Variants in HCFC2 observed in about 807,000 individuals in gnomAD.
HCFC2 encodes host cell factor 2.
In HCFC2, 18 loss-of-function variants were observed where a neutral mutation model predicts 89.2. The ratio of observed to expected loss-of-function variants is 0.20; its 90% CI spans 0.14 to 0.30. HCFC2 has a LOEUF of 0.30. Among genes scored for constraint, HCFC2 ranks in the 10% least tolerant of loss-of-function variants. HCFC2 has a pLI of 1.00. For synonymous variants in HCFC2, 308 were observed against 335.7 expected, an observed-to-expected ratio of 0.92 and a Z score of 0.90; for missense variants, 578 against 956.1, an observed-to-expected ratio of 0.60 and a Z score of 5.21.
chr12:104,094,133 G>A (rs1884109884), intron 10 of HCFC2, among the ~76,000 whole-genome samples: 1 of 152,134 alleles, frequency 6.6e-6, no homozygotes, highest in Admixed American at 6.5e-5. Context: ...GAAAAGATAG[G>A]TTCAACTTTG....
chr12:104,098,503 C>A, intron 13 of HCFC2, 23 bp downstream of exon 13: 1 of 1,568,112 alleles, frequency 6.4e-7, no homozygotes, highest in Non-Finnish European at 8.6e-7. Context: ...ATATTTTCTA[C>A]ATTGTAAATT....
chr12:104,072,889 C>G (rs180808893), intron 3 of HCFC2, among the ~76,000 whole-genome samples: 200 of 152,082 alleles, frequency 1.3e-3, no homozygotes, highest in African/African-American at 4.6e-3. Context: ...CGTGATCCGC[C>G]CACCTCAGCC....
At chr12:104,093,359 T>C in intron 9 of HCFC2, 27 bp from the exon 10 acceptor site, 1 of 1,531,236 alleles carries the variant, frequency 6.5e-7, no homozygotes, top group Non-Finnish European at 8.9e-7. Flanking sequence ...TATTGCTTAC[T>C]ACAGTAATCT....
At position 104,075,201 on chromosome 12, in the gene HCFC2, A is replaced by AT. The variant is rs1334539221; in HGVS notation, c.474-4244_474-4243insT. Among the ~76,000 whole-genome samples the AT allele has an allele frequency of 1.3e-4, 20 of 151,600 alleles. 1 individual carries two copies. The East Asian group carries it at 3.9e-3, about 29-fold the overall frequency. ...GAGCCCCTGTCTGTGAAAATAAAAA[A>AT]AAAAAATTATTTATTTAAAAATGTT... On this transcript the variant is annotated intron_variant, in intron 3 of 14. Coordinates refer to ENST00000229330, the MANE Select transcript of HCFC2 (RefSeq NM_013320.3).
chr12:104,095,147 G>A lies in HCFC2; in HGVS notation c.1463-213G>A, dbSNP rs73390494. Among the ~76,000 whole-genome samples, 3,276 of 152,168 alleles carry A rather than the reference G, an allele frequency of 0.022. 117 individuals are homozygous for A. Among genetic ancestry groups the A allele is most frequent in the African/African-American group, 0.074 (3,090 of 41,512 alleles). ...ATGGTTCGGTGTTTAGAATGAACGA[G>A]GAAGGTAAAAAGTTGGATATCCATT... On this transcript the variant is annotated intron_variant, in intron 10 of 14. Coordinates refer to ENST00000229330, the MANE Select transcript of HCFC2 (RefSeq NM_013320.3). The surrounding 1 kb of genome is among the most constrained non-coding windows in gnomAD (Gnocchi z 4.2).
At chr12:104,087,883 A>T (rs1446754933) in intron 8 of HCFC2, 103 bp from the exon 9 acceptor site, 2 of 552,436 alleles carry the variant, frequency 3.6e-6, no homozygotes, top group Non-Finnish European at 5.8e-6. Flanking sequence ...TTTGGTAAAG[A>T]TACTACTTTT....
At chr12:104,078,840 C>G (rs899358055) in intron 3 of HCFC2, among the ~76,000 whole-genome samples, 1 of 152,158 alleles carries the variant, frequency 6.6e-6, no homozygotes, top group African/African-American at 2.4e-5. Context: ...GGGGTTACTT[C>G]TATGTCTGAT....
chr12:104,087,200 C>A (rs1883878903), intron 8 of HCFC2, among the ~76,000 whole-genome samples, 186 bp downstream of exon 8: 1 of 151,554 alleles, frequency 6.6e-6, no homozygotes, highest in Non-Finnish European at 1.5e-5. Flanking sequence ...ACTAAAAATG[C>A]AAAAATTAGC....
chr12:104,095,436 A>G lies in HCFC2; in HGVS notation c.1539A>G (p.Val513=), dbSNP rs774446634. 8.1e-6 allele frequency: 13 copies of G among 1,613,654 alleles called. No individual in the cohort carries two copies. The South Asian group carries it at 1.2e-4, about 15-fold the overall frequency. ...GAACAGTAATTCCTGAAACATCTGT[A>G]TCCAGTACTGTTTCCAGCACACAAA... ...DVRTVIPETS[V]SSTVSSTQTM... is the part of the protein sequence containing the mutation. The change falls in exon 11 of 15, where the codon GTA becomes GTG. Residue 513 remains valine, a synonymous_variant. Transcript: ENST00000229330. This position sits in a 1 kb window ranked among gnomAD's most constrained non-coding sequence, Gnocchi z 4.2.
chr12:104,100,445 C>T (rs978652239), intron 13 of HCFC2, among the ~76,000 whole-genome samples: 5 of 151,884 alleles, frequency 3.3e-5, no homozygotes, highest in Non-Finnish European at 7.4e-5. Context: ...GGGCAAGGTA[C>T]GTGCCTCTGC....
intron 10 of HCFC2, among the ~76,000 whole-genome samples, chr12:104,093,781 T>TC (rs1197778360): frequency 6.6e-6 from 1 of 151,408 alleles, no homozygotes; most frequent in Non-Finnish European, 1.5e-5. Context: ...AGGCAATTTT[T>TC]TTTTTTTTTA....
At chr12:104,085,953 C>G (rs866969587) in intron 7 of HCFC2, among the ~76,000 whole-genome samples, 2 of 149,036 alleles carry the variant, frequency 1.3e-5, no homozygotes, top group Non-Finnish European at 3.0e-5. Flanking sequence ...AATGTGCTCA[C>G]TTTCTGCTAT....
intron 1 of HCFC2, 44 bp from the exon 2 acceptor site, chr12:104,066,123 C>T (rs1883128598): frequency 6.3e-7 from 1 of 1,585,348 alleles, no homozygotes; most frequent in Non-Finnish European, 8.6e-7. Context: ...TATATGATAA[C>T]CGTTGTTTGT....
chr12:104,064,753 C>G lies in HCFC2; in HGVS notation c.163+30C>G. ...GCGCGGCGGCGGCTCGTCGGCCCCG[C>G]CTGCTGGAGCTGCGGAGGGGGAGGG... On this transcript the variant is annotated intron_variant, in intron 1 of 14. Coordinates refer to ENST00000229330, the MANE Select transcript of HCFC2 (RefSeq NM_013320.3). This position sits in a 1 kb window ranked among gnomAD's most constrained non-coding sequence, Gnocchi z 7.3. The G allele has an allele frequency of 6.5e-7, 1 of 1,541,540 alleles. No homozygotes were observed. Among genetic ancestry groups the G allele is most frequent in the Non-Finnish European group, 8.7e-7 (1 of 1,147,430 alleles).
intron 9 of HCFC2, among the ~76,000 whole-genome samples, chr12:104,092,811 G>A (rs1371709598): frequency 2.6e-5 from 4 of 152,098 alleles, no homozygotes; most frequent in African/African-American, 9.7e-5. Context: ...TTTTTAAAAA[G>A]TGTGAATGTG....
At chr12:104,073,270 T>C (rs917192189) in intron 3 of HCFC2, among the ~76,000 whole-genome samples, 9 of 151,456 alleles carry the variant, frequency 5.9e-5, no homozygotes, top group Non-Finnish European at 1.3e-4. Context: ...GTTCAAGCGA[T>C]TCTCCTGCCT....
intron 10 of HCFC2, 66 bp downstream of exon 10, chr12:104,093,629 A>G: frequency 7.3e-7 from 1 of 1,365,992 alleles, no homozygotes; most frequent in Non-Finnish European, 1.0e-6. Flanking sequence ...TAGTCATTGA[A>G]AAAGTAAATG....
intron 8 of HCFC2, 113 bp downstream of exon 8, chr12:104,087,127 G>A: frequency 1.0e-6 from 1 of 962,402 alleles, no homozygotes. Flanking sequence ...GGCTGAGGCA[G>A]GTGGATCACC....
intron 1 of HCFC2, chr12:104,065,081 A>C (rs1401919164): frequency 5.4e-6 from 1 of 186,050 alleles, no homozygotes; most frequent in Non-Finnish European, 1.1e-5. Context: ...AACAAAACCC[A>C]CTCCAAACCA....
Sources: allele counts gnomAD v4.1 joint callset (sites outside exome capture counted in the v4.1 genomes callset), GRCh38; gene constraint gnomAD v4.1.1; non-coding constraint Gnocchi (gnomAD v3.1); transcripts MANE v1.5; gene names NCBI Gene and HGNC (gene_info 2026-07-23, HGNC 2026-07-21).